The following CTPS2 variants were observed in gnomAD, a reference collection of about 807,000 sequenced individuals.
CTPS2 encodes CTP synthase II.
CTPS2 carries 19 observed loss-of-function variants against 46.8 expected under a neutral mutation model. That is an observed-to-expected ratio of 0.41 (90% CI 0.28 to 0.60). The LOEUF is 0.60. Ranked by LOEUF, CTPS2 falls within the 20% of genes least tolerant of loss-of-function variation. CTPS2 has a pLI of 0.35. For missense variants in CTPS2, 286 were observed against 447.6 expected (o/e 0.64, Z 3.26); for synonymous variants, 151 against 165.2 (o/e 0.91, Z 0.66).
intron 17 of CTPS2, among the ~76,000 whole-genome samples, chrX:16,598,913 T>A (rs1267226007): frequency 9.0e-6 from 1 of 111,512 alleles, no homozygotes; most frequent in East Asian, 2.8e-4. Context: ...TATACGCAAA[T>A]CAATAAATGT....
intron 17 of CTPS2, among the ~76,000 whole-genome samples, chrX:16,593,005 C>G (rs1928992501): frequency 9.0e-6 from 1 of 111,321 alleles, no homozygotes; most frequent in Non-Finnish European, 1.9e-5. Context: ...TACTCAGTTC[C>G]AAATAAATCA....
At chrX:16,686,611 T>C (rs777788032) in intron 8 of CTPS2, among the ~76,000 whole-genome samples, 7 of 112,366 alleles carry the variant, frequency 6.2e-5, no homozygotes, top group Non-Finnish European at 9.4e-5. Flanking sequence ...GATGGAGGCC[T>C]GGAGGCCAAA....
At chrX:16,651,917 C>T (rs1932658692) in intron 13 of CTPS2, among the ~76,000 whole-genome samples, 1 of 110,273 alleles carries the variant, frequency 9.1e-6, no homozygotes, top group Admixed American at 9.7e-5. Context: ...AGGGCCATGG[C>T]GACCCATACA....
Position 16,678,724 on chromosome X carries a change from G to A in CTPS2, c.1006-274C>T, listed in dbSNP as rs1276584423. Among the ~76,000 whole-genome samples the A allele has an allele frequency of 2.7e-5, 3 of 110,486 alleles. No individual in the cohort carries two copies. The East Asian group carries it at 8.6e-4, about 32-fold the overall frequency. On this transcript the variant is annotated intron_variant, in intron 9 of 18. Transcript: ENST00000359276. Reference sequence around the variant, plus strand: ...ATGCAGAAGTAACTTGGGGTCAACCGCGTGGGGTGGCACGTGCCTGTAGCC... The same window carrying A: ...ATGCAGAAGTAACTTGGGGTCAACCACGTGGGGTGGCACGTGCCTGTAGCC...
At chrX:16,606,988 G>A (rs1930011005) in intron 17 of CTPS2, among the ~76,000 whole-genome samples, 1 of 112,382 alleles carries the variant, frequency 8.9e-6, no homozygotes, top group African/African-American at 3.2e-5. Context: ...CTGACCTCAG[G>A]TGATCTGCCC....
At chrX:16,687,375 T>G (rs1033148988) in intron 8 of CTPS2, among the ~76,000 whole-genome samples, 1 of 102,897 alleles carries the variant, frequency 9.7e-6, no homozygotes, top group Non-Finnish European at 1.9e-5. Context: ...CTGGGGACGC[T>G]GAGGCAGGAG....
chrX:16,598,351 C>T (rs76705753), intron 17 of CTPS2, among the ~76,000 whole-genome samples: 19,296 of 109,971 alleles, frequency 0.18, 1,442 homozygotes, highest in Middle Eastern at 0.28. Context: ...ATCAAATGGA[C>T]GCAATAAAAA....
At chrX:16,621,448 T>TAAC (rs1159742368) in intron 14 of CTPS2, among the ~76,000 whole-genome samples, 2 of 101,621 alleles carry the variant, frequency 2.0e-5, no homozygotes, top group East Asian at 5.9e-4. Context: ...ACTTAAAGTA[T>TAAC]AATAATAATA....
At chrX:16,653,159 A>G (rs1016040788) in intron 13 of CTPS2, among the ~76,000 whole-genome samples, 1 of 110,972 alleles carries the variant, frequency 9.0e-6, no homozygotes, top group African/African-American at 3.3e-5. Context: ...CTGAACTGTT[A>G]TTTCAATCGG....
In CTPS2 at chrX:16,633,719, G is replaced by T. The variant is rs867644489; in HGVS notation, c.1393+5428C>A. 8.0e-5 allele frequency among the ~76,000 whole-genome samples: 9 copies of T among 111,821 alleles called. No homozygotes were observed. In the South Asian group the frequency reaches 1.9e-3, roughly 23 times the overall value. Reference sequence around the variant, plus strand: ...GAAAACGTTTTCACTTTTTAGCAATGAACAGAAATAGGGCTCTTTTTGTTT... The same window carrying T: ...GAAAACGTTTTCACTTTTTAGCAATTAACAGAAATAGGGCTCTTTTTGTTT... On this transcript the variant is annotated intron_variant, in intron 14 of 18. Coordinates refer to ENST00000359276, the MANE Select transcript of CTPS2 (RefSeq NM_175859.3).
intron 14 of CTPS2, among the ~76,000 whole-genome samples, chrX:16,637,217 C>T (rs986323411): frequency 9.1e-6 from 1 of 110,221 alleles, no homozygotes; most frequent in Non-Finnish European, 1.9e-5. Context: ...ACTACAGGCA[C>T]ATTACACCAC....
intron 1 of CTPS2, among the ~76,000 whole-genome samples, chrX:16,709,622 G>A (rs754850178): frequency 1.8e-5 from 2 of 110,067 alleles, no homozygotes; most frequent in Admixed American, 9.7e-5. Context: ...AGGCCAAGGC[G>A]GGCGGATCAC....
At position 16,712,317 on chromosome X, in the gene CTPS2, G is replaced by C. The variant is rs1314649689; in HGVS notation, c.-40+18C>G. 8.9e-6 allele frequency: 1 copy of C among 112,563 alleles called. No homozygotes were observed. Among genetic ancestry groups the C allele is most frequent in the African/African-American group, 3.2e-5 (1 of 31,081 alleles). The allele number at this position is 112,563 out of a possible 1,213,427, so 9.3% of individuals were successfully genotyped here. On this transcript the variant is annotated intron_variant, in intron 1 of 18. Coordinates refer to ENST00000359276, the MANE Select transcript of CTPS2 (RefSeq NM_175859.3). ...CCGAGGCCCTGGGGGTCTGGGACAG[G>C]CCCAGAAGGGAAGTTACCTGCGCGG...
chrX:16,663,992 C>G (rs112461138), intron 13 of CTPS2, among the ~76,000 whole-genome samples: 9 of 110,427 alleles, frequency 8.2e-5, no homozygotes, highest in Non-Finnish European at 1.7e-4. Context: ...CGTGCCACCA[C>G]GCCCAGCTAA....
At chrX:16,678,647 G>A (rs1488367254) in intron 9 of CTPS2, among the ~76,000 whole-genome samples, 197 bp from the exon 10 acceptor site, 1 of 110,768 alleles carries the variant, frequency 9.0e-6, no homozygotes, top group African/African-American at 3.3e-5. Flanking sequence ...CCAGATAAAC[G>A]GGCATCCACA....
chrX:16,643,781 G>A (rs1240665933), intron 13 of CTPS2, among the ~76,000 whole-genome samples: 1 of 110,319 alleles, frequency 9.1e-6, no homozygotes. Flanking sequence ...TCATGTATTC[G>A]AACCTGTAGC....
intron 14 of CTPS2, among the ~76,000 whole-genome samples, chrX:16,623,542 T>C (rs1930950686): frequency 9.0e-6 from 1 of 111,507 alleles, no homozygotes; most frequent in Non-Finnish European, 1.9e-5. Context: ...CTTGTTTCAC[T>C]TAACATAATG....
chrX:16,667,137 C>CTT lies in CTPS2; in HGVS notation c.1296+375_1296+376dup, dbSNP rs34412705. Among the ~76,000 whole-genome samples the CTT allele has an allele frequency of 2.6e-3, 232 of 90,027 alleles. 2 individuals are homozygous for CTT. Among genetic ancestry groups the CTT allele is most frequent in the African/African-American group, 7.2e-3 (172 of 24,041 alleles). The allele number at this position is 90,027 out of a possible 115,157, so 78.2% of individuals were successfully genotyped here. ...AAAATAATAATAGACCCCCCCCCGC[C>CTT]TTTTTTTTTTTTTGAGAAGGAGTCT... On this transcript the variant is annotated intron_variant, in intron 13 of 18. Transcript: ENST00000359276.
intron 17 of CTPS2, among the ~76,000 whole-genome samples, chrX:16,607,118 G>A (rs1232512953): frequency 8.9e-6 from 1 of 112,981 alleles, no homozygotes; most frequent in Non-Finnish European, 1.9e-5. Context: ...ACACAGGTGG[G>A]CAGTCCACAC....
Sources: gnomAD v4.1 joint callset for allele counts (sites outside exome capture counted in the v4.1 genomes callset) on GRCh38, gnomAD v4.1.1 for gene constraint, MANE v1.5 for transcripts, NCBI Gene and HGNC (gene_info 2026-07-23, HGNC 2026-07-21) for gene names.